The following ZC3H11A variants were observed in gnomAD, a reference collection of about 807,000 sequenced individuals.
ZC3H11A encodes zinc finger CCCH-type containing 11A, also known as zinc finger CCCH domain-containing protein 11A.
Under a neutral mutation model 90.8 loss-of-function variants are expected in ZC3H11A, and 22 were observed. That is an observed-to-expected ratio of 0.24 (90% confidence interval 0.17 to 0.35). The LOEUF (loss-of-function observed/expected upper bound fraction) is 0.35, where lower values mean the gene tolerates loss of function less well. ZC3H11A is among the 10% of genes least tolerant of loss of function. The pLI, the probability that ZC3H11A is intolerant of heterozygous loss-of-function variation, is 1.00. For synonymous variants in ZC3H11A, 294 were observed against 339.8 expected, an observed-to-expected ratio of 0.87 and a Z score of 1.48; for missense variants, 701 against 964.9, an observed-to-expected ratio of 0.73 and a Z score of 3.62.
chr1:203,847,837 T>A (rs1479415283), intron 13 of ZC3H11A, 150 bp downstream of exon 13: 6 of 1,125,454 alleles, frequency 5.3e-6, no homozygotes, highest in African/African-American at 1.6e-5. Flanking sequence ...TCAGTAGTGC[T>A]ATGTAGACCT....
chr1:203,812,983 G>A (rs1398554196), intron 2 of ZC3H11A, among the ~76,000 whole-genome samples: 1 of 152,134 alleles, frequency 6.6e-6, no homozygotes, highest in Non-Finnish European at 1.5e-5. Flanking sequence ...TCTTTGGTGA[G>A]GTACCTGTTC....
chr1:203,848,929 G>C (rs1688620891), intron 14 of ZC3H11A, among the ~76,000 whole-genome samples: 1 of 152,106 alleles, frequency 6.6e-6, no homozygotes, highest in African/African-American at 2.4e-5. Context: ...CTGTTGCCCA[G>C]GCTGGAGTGC....
At chr1:203,837,730 G>A (rs540147174) in intron 10 of ZC3H11A, among the ~76,000 whole-genome samples, 1 of 152,160 alleles carries the variant, frequency 6.6e-6, no homozygotes, top group African/African-American at 2.4e-5. Flanking sequence ...CTCCTGCCTT[G>A]ACCTCCCAAA....
At chr1:203,804,992 A>G (rs923473151) in intron 2 of ZC3H11A, among the ~76,000 whole-genome samples, 4 of 151,852 alleles carry the variant, frequency 2.6e-5, no homozygotes, top group Non-Finnish European at 5.9e-5. Flanking sequence ...TTTTTAATAT[A>G]TGTTTGTAAT....
At chr1:203,796,451 G>A (rs543111161) in intron 1 of ZC3H11A, 129 of 399,044 alleles carry the variant, frequency 3.2e-4, no homozygotes, top group Middle Eastern at 1.9e-3. Flanking sequence ...CTCCTTGTAG[G>A]ACTGGTGAAA....
intron 10 of ZC3H11A, among the ~76,000 whole-genome samples, chr1:203,836,864 G>A (rs564002627): frequency 1.3e-5 from 2 of 152,320 alleles, no homozygotes; most frequent in Admixed American, 1.3e-4. Context: ...GAATATTTCA[G>A]AACCTTAGAT....
intron 2 of ZC3H11A, among the ~76,000 whole-genome samples, chr1:203,816,351 G>A (rs1448000901): frequency 1.4e-4 from 22 of 152,180 alleles, no homozygotes; most frequent in Admixed American, 1.4e-3. Flanking sequence ...CAGGCTGGGC[G>A]GGATGGCTCA....
At chr1:203,797,378 C>T in intron 1 of ZC3H11A, 1 of 736,454 alleles carries the variant, frequency 1.4e-6, no homozygotes, top group Non-Finnish European at 2.0e-6. Flanking sequence ...AATAACCTGG[C>T]TTGGAAGTTA....
In ZC3H11A at chr1:203,852,794, G is replaced by C. The variant is rs1689568126; in HGVS notation, c.*395G>C. ...TGTCTTGATGTACTTAATATTACCTGAGTTTGAAATGGATGAAGACAGCTG... is the reference window on the plus strand; with the variant it reads ...TGTCTTGATGTACTTAATATTACCTCAGTTTGAAATGGATGAAGACAGCTG... On this transcript the variant is annotated 3_prime_UTR_variant, in exon 18 of 18. Transcript: ENST00000367210. The C allele has an allele frequency of 5.3e-6, 1 of 188,582 alleles. No individual in the cohort carries two copies. Among genetic ancestry groups the C allele is most frequent in the Admixed American group, 5.4e-5 (1 of 18,512 alleles). The allele number at this position is 188,582 out of a possible 1,614,324, so 11.7% of individuals were successfully genotyped here. A position where few individuals can be genotyped will look rare whatever the true frequency, so the allele number is the denominator to read the frequency against.
At chr1:203,839,835 ACT>A (rs569432518) in intron 11 of ZC3H11A, among the ~76,000 whole-genome samples, 213 of 152,038 alleles carry the variant, frequency 1.4e-3, no homozygotes, top group Middle Eastern at 6.8e-3. Flanking sequence ...ACAGAGTCTC[ACT>A]CTGTCACCCA....
intron 14 of ZC3H11A, among the ~76,000 whole-genome samples, chr1:203,849,012 G>A (rs1031067432): frequency 6.6e-6 from 1 of 152,124 alleles, no homozygotes. Flanking sequence ...AGCCTCCCAT[G>A]TAGCTGGGAT....
intron 2 of ZC3H11A, among the ~76,000 whole-genome samples, chr1:203,808,011 G>A (rs998537442): frequency 5.9e-5 from 9 of 152,042 alleles, no homozygotes; most frequent in African/African-American, 2.2e-4. Flanking sequence ...CAAAGTGCTG[G>A]CATTACGGAT....
At chr1:203,799,932 G>T (rs1454128037) in intron 1 of ZC3H11A, 2 of 1,536,080 alleles carry the variant, frequency 1.3e-6, no homozygotes, top group African/African-American at 2.7e-5. Flanking sequence ...TAATTATATG[G>T]AATCTTCACC....
chr1:203,850,932 C>T (rs756155533), intron 16 of ZC3H11A, 125 bp from the exon 17 acceptor site: 3 of 1,264,406 alleles, frequency 2.4e-6, no homozygotes, highest in Admixed American at 2.2e-5. Flanking sequence ...TTTAGATTAT[C>T]GATTCTTAGA....
At chr1:203,837,128 C>A (rs940748671) in intron 10 of ZC3H11A, among the ~76,000 whole-genome samples, 1 of 151,844 alleles carries the variant, frequency 6.6e-6, no homozygotes, top group African/African-American at 2.4e-5. Flanking sequence ...ACCCTTGTCT[C>A]TACTAAAAAT....
In ZC3H11A at chr1:203,829,869, C is replaced by G; in HGVS notation, c.592C>G (p.Arg198Gly). The change falls in exon 7 of 18, where the codon CGG (arginine) becomes GGG (glycine). Residue 198 changes from arginine to glycine, a missense_variant. Physicochemically the swap from Arg to Gly is moderately radical, Grantham distance 125. This residue lies in a region of ZC3H11A where 530 missense variants were observed against 696.2 expected (regional missense o/e 0.76). Coordinates refer to ENST00000367210, the MANE Select transcript of ZC3H11A (RefSeq NM_001376342.1). ...CAATGGATTACGAGTGACTTCTGTC[C>G]GGAAACCTGCAGTCAATATAAAGCA... Reference protein sequence around the residue: ...VHNGLRVTSVRKPAVNIKQGE... With the variant: ...VHNGLRVTSVGKPAVNIKQGE... 1 of 1,614,014 alleles carries G rather than the reference C, an allele frequency of 6.2e-7. No homozygotes were observed. The highest frequency in any genetic ancestry group is 8.5e-7 in the Non-Finnish European group (1 of 1,179,942).
intron 9 of ZC3H11A, among the ~76,000 whole-genome samples, chr1:203,832,049 A>G (rs1050597348): frequency 6.6e-6 from 1 of 152,170 alleles, no homozygotes; most frequent in African/African-American, 2.4e-5. Context: ...ATAGGTATAT[A>G]TAATAAAGTT....
chr1:203,799,766 A>C (rs1378913770), intron 1 of ZC3H11A: 7 of 943,986 alleles, frequency 7.4e-6, no homozygotes, highest in Non-Finnish European at 1.2e-5. Context: ...TATCTCTGAA[A>C]CTTGAAACAG....
chr1:203,849,804 A>G lies in ZC3H11A; in HGVS notation c.1717A>G (p.Arg573Gly). 1 of 1,613,942 alleles carries G rather than the reference A, an allele frequency of 6.2e-7. No individual in the cohort carries two copies. The highest frequency in any genetic ancestry group is 8.5e-7 in the Non-Finnish European group (1 of 1,179,896). Residue 573 changes from arginine to glycine, a missense_variant, in exon 15 of 18, where the codon AGG becomes GGG. Physicochemically the swap from Arg to Gly is moderately radical, Grantham distance 125. Transcript: ENST00000367210. ...REKHMQKQQE[R>G]EKSVLTPLRG... Reference sequence around the variant, plus strand: ...GAAGCACATGCAGAAACAGCAGGAGAGGGAAAAATCAGTCTTGACACCTCT... The same window carrying G: ...GAAGCACATGCAGAAACAGCAGGAGGGGGAAAAATCAGTCTTGACACCTCT...
Sources: allele counts gnomAD v4.1 joint callset (sites outside exome capture counted in the v4.1 genomes callset), GRCh38; gene constraint gnomAD v4.1.1; regional missense constraint gnomAD v4.1.1; transcripts MANE v1.5; gene names NCBI Gene and HGNC (gene_info 2026-07-23, HGNC 2026-07-21).